Variants in SLC25A26 observed in about 807,000 individuals in gnomAD.
SLC25A26 encodes mitochondrial S-adenosylmethionine carrier protein.
SLC25A26 carries 36 observed loss-of-function variants against 37.8 expected under a neutral mutation model. The ratio of observed to expected loss-of-function variants is 0.95; its 90% CI spans 0.73 to 1.26. The LOEUF (loss-of-function observed/expected upper bound fraction) is 1.26. Among genes scored for constraint, SLC25A26 ranks in the 50% most tolerant of loss-of-function variants. The probability of loss-of-function intolerance (pLI) is 0.00; values close to 1 mark genes in which losing one functional copy is unlikely to be tolerated. For synonymous variants in SLC25A26, 129 were observed against 122.5 expected (o/e 1.05, Z -0.35); for missense variants, 390 against 331.1 (o/e 1.18, Z -1.38).
chr3:66,308,279 C>A (rs1268894200), intron 5 of SLC25A26, among the ~76,000 whole-genome samples: 1 of 152,136 alleles, frequency 6.6e-6, no homozygotes, highest in African/African-American at 2.4e-5. Flanking sequence ...AATGGGCGTT[C>A]ACTCATGATT....
At chr3:66,181,765 A>T (rs1410252710) in intron 1 of SLC25A26, among the ~76,000 whole-genome samples, 5 of 137,696 alleles carry the variant, frequency 3.6e-5, no homozygotes, top group African/African-American at 1.4e-4. Flanking sequence ...TCCTTCCCTG[A>T]TCCCCTCCCC....
At chr3:66,188,027 A>T (rs1196996983) in intron 1 of SLC25A26, among the ~76,000 whole-genome samples, 3 of 152,070 alleles carry the variant, frequency 2.0e-5, no homozygotes, top group South Asian at 2.1e-4. Context: ...ACCTTGACTT[A>T]GAACCCTATC....
At chr3:66,350,148 T>C (rs1371121807) in intron 6 of SLC25A26, among the ~76,000 whole-genome samples, 1 of 152,182 alleles carries the variant, frequency 6.6e-6, no homozygotes, top group Non-Finnish European at 1.5e-5. Flanking sequence ...CCACTGTGTT[T>C]ATTTGTGTTT....
chr3:66,378,026 G>A lies in SLC25A26; in HGVS notation c.*219G>A, dbSNP rs1046867. The A allele has an allele frequency of 0.24, 117,102 of 478,078 alleles. 16,883 individuals are homozygous for A. Among genetic ancestry groups the A allele is most frequent in the African/African-American group, 0.47 (24,857 of 52,382 alleles). 29.6% of individuals were successfully genotyped at this position (478,078 alleles called of 1,614,324 possible). Reference sequence around the variant, plus strand: ...AAGAGAAGAAAACGGGGTCTGTGGCGGTACTCTGAACAATTTCCTCAGAAC... The same window carrying A: ...AAGAGAAGAAAACGGGGTCTGTGGCAGTACTCTGAACAATTTCCTCAGAAC... On this transcript the variant is annotated 3_prime_UTR_variant, in exon 10 of 10. Coordinates refer to ENST00000354883, the MANE Select transcript of SLC25A26 (RefSeq NM_001379210.1).
chr3:66,168,200 TAC>T lies in SLC25A26; in HGVS notation c.-354+34232_-354+34233del, dbSNP rs562006470. Among the ~76,000 whole-genome samples, 194 of 115,450 alleles carry T rather than the reference TAC, an allele frequency of 1.7e-3. 2 individuals carry two copies. Among genetic ancestry groups the T allele is most frequent in the African/African-American group, 3.2e-3 (98 of 30,380 alleles). 75.7% of individuals were successfully genotyped at this position (115,450 alleles called of 152,430 possible). ...ATGTGTGTGTGTATATATATATATA[TAC>T]ACACACACACACACATATATATCTA... On this transcript the variant is annotated intron_variant, in intron 1 of 10. Transcript: ENST00000676754.
chr3:66,372,107 A>C (rs1037713862), intron 9 of SLC25A26, among the ~76,000 whole-genome samples: 7 of 152,176 alleles, frequency 4.6e-5, no homozygotes, highest in African/African-American at 1.7e-4. Context: ...AAACAACAAC[A>C]AAAAAGTTCT....
chr3:66,288,904 T>C (rs1179004152), intron 5 of SLC25A26, among the ~76,000 whole-genome samples: 2 of 152,216 alleles, frequency 1.3e-5, no homozygotes, highest in East Asian at 3.8e-4. Flanking sequence ...ATTGCCACAC[T>C]GTCTTCCACA....
chr3:66,151,516 G>A (rs1034662978), intron 1 of SLC25A26, among the ~76,000 whole-genome samples: 7 of 152,206 alleles, frequency 4.6e-5, no homozygotes, highest in African/African-American at 1.7e-4. Context: ...CTTGTAATGT[G>A]TTACACAGCC....
At chr3:66,347,111 A>C (rs945766127) in intron 6 of SLC25A26, among the ~76,000 whole-genome samples, 1 of 152,196 alleles carries the variant, frequency 6.6e-6, no homozygotes, top group Non-Finnish European at 1.5e-5. Context: ...ACAAAAGCCA[A>C]AATTGACAAA....
At chr3:66,307,426 T>G (rs1350142550) in intron 5 of SLC25A26, among the ~76,000 whole-genome samples, 1 of 152,226 alleles carries the variant, frequency 6.6e-6, no homozygotes, top group African/African-American at 2.4e-5. Context: ...ATGGATAGAT[T>G]GCAAAATTTT....
intron 1 of SLC25A26, among the ~76,000 whole-genome samples, chr3:66,149,446 T>A (rs1352340989): frequency 6.6e-6 from 1 of 152,200 alleles, no homozygotes; most frequent in Non-Finnish European, 1.5e-5. Context: ...CCAACAAATT[T>A]TCTTTGCCTC....
intron 1 of SLC25A26, among the ~76,000 whole-genome samples, chr3:66,209,325 ATATG>A (rs1390928096): frequency 3.9e-4 from 53 of 135,546 alleles, no homozygotes; most frequent in South Asian, 1.2e-3. Flanking sequence ...ATATATATCT[ATATG>A]TATGTATATA....
At chr3:66,189,995 A>T (rs887341361) in intron 1 of SLC25A26, among the ~76,000 whole-genome samples, 124,662 of 152,004 alleles carry the variant, frequency 0.82, 51,183 homozygotes, top group South Asian at 0.92. Flanking sequence ...CTGCTTTGAT[A>T]TGTGGTCTCC....
chr3:66,140,747 A>G (rs138913547), intron 1 of SLC25A26, among the ~76,000 whole-genome samples: 141 of 152,264 alleles, frequency 9.3e-4, no homozygotes, highest in African/African-American at 3.2e-3. Context: ...TTCTCAGATG[A>G]CAGAAGGAAT....
At position 66,268,137 on chromosome 3, in the gene SLC25A26, A is replaced by T. The variant is rs1467063206; in HGVS notation, c.453+4758A>T. Among the ~76,000 whole-genome samples, 3 of 152,244 alleles carry T rather than the reference A, an allele frequency of 2.0e-5. No homozygotes were observed. In the South Asian group the frequency reaches 6.2e-4, roughly 31 times the overall value. On this transcript the variant is annotated intron_variant, in intron 5 of 9. Coordinates refer to ENST00000354883, the MANE Select transcript of SLC25A26 (RefSeq NM_001379210.1). The stretch of plus-strand genomic sequence containing the variant: ...GCACTATCTTTTATAATGATTGCAT[A>T]GTAGTCCATTGTATAAACAAACCAT...
rs538091624 is a variant in SLC25A26, at chr3:66,273,712, A to G, written c.453+10333A>G. 1.5e-3 allele frequency among the ~76,000 whole-genome samples: 225 copies of G among 152,318 alleles called. 3 individuals carry two copies. Among genetic ancestry groups the G allele is most frequent in the Admixed American group, 0.013 (205 of 15,300 alleles). ...TACAAGGGACGTGAAGGACCTCTTCAAGGAGAACTACAAAGCACTGCTCAA... is the reference window on the plus strand; with the variant it reads ...TACAAGGGACGTGAAGGACCTCTTCGAGGAGAACTACAAAGCACTGCTCAA... On this transcript the variant is annotated intron_variant, in intron 5 of 9. Transcript: ENST00000354883.
chr3:66,359,998 C>T (rs567316454), intron 6 of SLC25A26, among the ~76,000 whole-genome samples: 5 of 152,272 alleles, frequency 3.3e-5, no homozygotes, highest in African/African-American at 1.2e-4. Context: ...AAATGTTGGT[C>T]CTCAAACCAC....
intron 1 of SLC25A26, among the ~76,000 whole-genome samples, chr3:66,196,294 C>T (rs1269636525): frequency 2.6e-5 from 4 of 152,336 alleles, no homozygotes; most frequent in Non-Finnish European, 5.9e-5. Flanking sequence ...GCTGACTTCG[C>T]AGCTTCTGTG....
In SLC25A26 at chr3:66,263,319, G is replaced by A; in HGVS notation, c.406-13G>A. 2.5e-6 allele frequency: 4 copies of A among 1,608,958 alleles called. No homozygotes were observed. Among genetic ancestry groups the A allele is most frequent in the Non-Finnish European group, 3.4e-6 (4 of 1,176,190 alleles). On this transcript the variant is annotated splice_polypyrimidine_tract_variant and intron_variant, in intron 4 of 9. Coordinates refer to ENST00000354883, the MANE Select transcript of SLC25A26 (RefSeq NM_001379210.1). ...CCATTCTTTCTGAACTCTCGGCTGTGTGTTTGTTTCAGGGTATCCAAGGGT... is the reference window on the plus strand; with the variant it reads ...CCATTCTTTCTGAACTCTCGGCTGTATGTTTGTTTCAGGGTATCCAAGGGT...
Sources: allele counts gnomAD v4.1 joint callset (sites outside exome capture counted in the v4.1 genomes callset), GRCh38; gene constraint gnomAD v4.1.1; transcripts MANE v1.5; gene names NCBI Gene and HGNC (gene_info 2026-07-23, HGNC 2026-07-21).